Variants in PLEKHM1 observed in about 807,000 individuals in gnomAD.
PLEKHM1 encodes the protein pleckstrin homology domain-containing family M member 1.
PLEKHM1 carries 28 observed loss-of-function variants against 94.3 expected under a neutral mutation model. That is an observed-to-expected ratio of 0.30 (90% CI 0.22 to 0.41). The LOEUF (loss-of-function observed/expected upper bound fraction) is 0.41. Among genes scored for constraint, PLEKHM1 ranks in the 10% least tolerant of loss-of-function variants. The probability of loss-of-function intolerance (pLI) is 1.00; values close to 1 mark genes in which losing one functional copy is unlikely to be tolerated. For missense variants in PLEKHM1, 907 were observed against 1,358.6 expected, an observed-to-expected ratio of 0.67 and a Z score of 5.22; for synonymous variants, 424 against 581.2, an observed-to-expected ratio of 0.73 and a Z score of 3.89.
chr17:45,467,813 T>G (rs887408194), intron 5 of PLEKHM1, among the ~76,000 whole-genome samples: 91 of 151,910 alleles, frequency 6.0e-4, no homozygotes, highest in Non-Finnish European at 1.2e-3. Flanking sequence ...TAATAACAAG[T>G]ACTAAGGAGG....
downstream of PLEKHM1, among the ~76,000 whole-genome samples, chr17:45,434,967 CAAAAAAAAAA>C (rs11369025): frequency 3.1e-5 from 3 of 98,132 alleles, no homozygotes; most frequent in African/African-American, 1.2e-4. Flanking sequence ...AGACTGTATC[CAAAAAAAAAA>C]AAAAAAAAAA....
intron 2 of PLEKHM1, among the ~76,000 whole-genome samples, chr17:45,481,185 C>T (rs1438525670): frequency 6.6e-6 from 1 of 152,062 alleles, no homozygotes; most frequent in Non-Finnish European, 1.5e-5. Context: ...CTTTATTGGC[C>T]ATGTGTGTAT....
At chr17:45,490,134 G>C (rs2052264030) in intron 1 of PLEKHM1, among the ~76,000 whole-genome samples, 1 of 152,128 alleles carries the variant, frequency 6.6e-6, no homozygotes, top group African/African-American at 2.4e-5. Flanking sequence ...TCTTAGATGA[G>C]AGGGCGGAGG....
intron 10 of PLEKHM1, 190 bp downstream of exon 10, chr17:45,439,973 G>T (rs1189448868): frequency 4.6e-6 from 3 of 651,632 alleles, no homozygotes; most frequent in Admixed American, 4.8e-5. Context: ...TTATTCCAGG[G>T]GTGCTGGGGG....
At chr17:45,487,820 C>A (rs2052178157) in intron 1 of PLEKHM1, 2 of 456,100 alleles carry the variant, frequency 4.4e-6, no homozygotes, top group Non-Finnish European at 8.8e-6. Flanking sequence ...GACTCCTCAG[C>A]CACTCCCCAC....
intron 9 of PLEKHM1, among the ~76,000 whole-genome samples, chr17:45,443,604 ACT>A (rs1222674970): frequency 2.6e-5 from 4 of 151,416 alleles, no homozygotes; most frequent in African/African-American, 7.3e-5. Flanking sequence ...CGATGAACAG[ACT>A]CTCTCAGCAG....
At chr17:45,476,967 C>T (rs1329545006) in intron 3 of PLEKHM1, 1 of 152,094 alleles carries the variant, frequency 6.6e-6, no homozygotes, top group Admixed American at 6.6e-5. Context: ...CCAGTGTCAC[C>T]CAGGAAAGAA....
intron 5 of PLEKHM1, among the ~76,000 whole-genome samples, chr17:45,463,253 G>A (rs1352824167): frequency 6.6e-6 from 1 of 152,160 alleles, no homozygotes; most frequent in Non-Finnish European, 1.5e-5. Flanking sequence ...AAAAAACAGT[G>A]GAAATGCAGG....
At position 45,439,575 on chromosome 17, in the gene PLEKHM1, A is replaced by G; in HGVS notation, c.2961T>C (p.His987=). 6.2e-7 allele frequency: 1 copy of G among 1,614,242 alleles called. No homozygotes were observed. The highest frequency in any genetic ancestry group is 8.5e-7 in the Non-Finnish European group (1 of 1,180,042). The change falls in exon 11 of 12, where the codon CAT becomes CAC. Residue 987 remains histidine, a synonymous_variant. Transcript: ENST00000430334. ...GGGTGCACAGGTCGCAGTGGTAGAC[A>G]TGCTGGGAGGCAAATTCAATCAGGG... is the stretch of plus-strand genomic sequence containing the variant. ...LKALIEFASQ[H]VYHCDLCTQR...
chr17:45,457,287 G>A (rs1375579450), intron 6 of PLEKHM1, among the ~76,000 whole-genome samples: 2 of 152,016 alleles, frequency 1.3e-5, no homozygotes, highest in South Asian at 4.2e-4. Context: ...AATTGGCCAG[G>A]CGCAGTGGCT....
intron 1 of PLEKHM1, among the ~76,000 whole-genome samples, chr17:45,488,507 G>T (rs1278455852): frequency 1.3e-5 from 2 of 152,206 alleles, no homozygotes; most frequent in African/African-American, 4.8e-5. Context: ...CTGTCATTAA[G>T]CCAAGCTGCC....
chr17:45,454,896 A>C (rs1392263202), intron 6 of PLEKHM1: 1 of 170,760 alleles, frequency 5.9e-6, no homozygotes, highest in Non-Finnish European at 1.3e-5. Context: ...CGGGAGGCTG[A>C]GGTGGGTGGA....
Position 45,444,083 on chromosome 17 carries a change from C to T in PLEKHM1, c.2837+1387G>A, listed in dbSNP as rs576971375. Among the ~76,000 whole-genome samples the T allele has an allele frequency of 2.7e-4, 41 of 152,276 alleles. No homozygotes were observed. Among genetic ancestry groups the T allele is most frequent in the Non-Finnish European group, 5.0e-4 (34 of 68,006 alleles). Reference sequence around the variant, plus strand: ...GGGACCTGCTCGAGGCACACCCTGGCCCTGAGGAGGCCCGGCTCTGGGAGC... The same window carrying T: ...GGGACCTGCTCGAGGCACACCCTGGTCCTGAGGAGGCCCGGCTCTGGGAGC... On this transcript the variant is annotated intron_variant, in intron 9 of 11. Transcript: ENST00000430334. This position sits in a 1 kb window ranked among gnomAD's most constrained non-coding sequence, Gnocchi z 5.0.
In PLEKHM1 at chr17:45,468,526, C is replaced by CT; in HGVS notation, c.990dup (p.Glu331ArgfsTer23). On this transcript the variant is annotated frameshift_variant, in exon 5 of 12. Coordinates refer to ENST00000430334, the MANE Select transcript of PLEKHM1 (RefSeq NM_014798.3). LOFTEE classifies it high-confidence loss of function. ...AGCGAGGCCTGTGGTGTGGGGATCT[C>CT]TGTTTCTTGGCTCAGTCCGTTGGTT... The CT allele has an allele frequency of 6.2e-7, 1 of 1,614,182 alleles. No homozygotes were observed. The highest frequency in any genetic ancestry group is 8.5e-7 in the Non-Finnish European group (1 of 1,180,026).
At chr17:45,440,627 TC>T (rs2050420730) in intron 9 of PLEKHM1, among the ~76,000 whole-genome samples, 1 of 152,262 alleles carries the variant, frequency 6.6e-6, no homozygotes, top group African/African-American at 2.4e-5. Context: ...CATTTGATCC[TC>T]ACAATAATTC....
At chr17:45,476,514 TATC>T (rs2051743248) in intron 3 of PLEKHM1, among the ~76,000 whole-genome samples, 2 of 152,014 alleles carry the variant, frequency 1.3e-5, no homozygotes, top group Non-Finnish European at 2.9e-5. Flanking sequence ...GGGTCTTAAA[TATC>T]AAATCAATAA....
rs770221334 is a variant in PLEKHM1 at position 45,482,539 on chromosome 17, T to C, written c.-41-14A>G. 2.1e-5 allele frequency: 20 copies of C among 947,074 alleles called. No individual in the cohort carries two copies. The highest frequency in any genetic ancestry group is 1.7e-4 in the East Asian group (7 of 40,430). The allele number at this position is 947,074 out of a possible 1,614,324, so 58.7% of individuals were successfully genotyped here. On this transcript the variant is annotated splice_polypyrimidine_tract_variant and intron_variant, in intron 1 of 11. Coordinates refer to ENST00000430334, the MANE Select transcript of PLEKHM1 (RefSeq NM_014798.3). ...ATCACATGACACCTGAAGAGACAGA[T>C]GGCAGCCAGATGAATGGGCAGGGAA...
In PLEKHM1 at chr17:45,481,766, G is replaced by A. The variant is rs543378248; in HGVS notation, c.48+671C>T. On this transcript the variant is annotated intron_variant, in intron 2 of 11. Coordinates refer to ENST00000430334, the MANE Select transcript of PLEKHM1 (RefSeq NM_014798.3). ...CTGTGGCCAGGACGGGGAAAGGCAC[G>A]TCTCTGAGAGCTACAGTTTCTTTCA... 3.8e-4 allele frequency among the ~76,000 whole-genome samples: 58 copies of A among 151,946 alleles called. 2 individuals are homozygous for A. The East Asian group carries it at 5.4e-3, about 14-fold the overall frequency.
At chr17:45,434,439 C>CA (rs1002415889), downstream of PLEKHM1, 90 of 152,292 alleles carry the variant, frequency 5.9e-4, no homozygotes, top group African/African-American at 2.1e-3. Context: ...ATGCCCAGCG[C>CA]ACACAATATA....
Sources: allele counts gnomAD v4.1 joint callset (sites outside exome capture counted in the v4.1 genomes callset), GRCh38; gene constraint gnomAD v4.1.1; non-coding constraint Gnocchi (gnomAD v3.1); transcripts MANE v1.5; gene names NCBI Gene and HGNC (gene_info 2026-07-23, HGNC 2026-07-21).